The following CHDH variants were observed in gnomAD, a reference collection of about 807,000 sequenced individuals.
The protein encoded by CHDH is choline dehydrogenase.
Under a neutral mutation model 56.9 loss-of-function variants are expected in CHDH, and 43 were observed. That is an observed-to-expected ratio of 0.76 (90% CI 0.59 to 0.97). The LOEUF is 0.97. CHDH is among the 50% of genes least tolerant of loss of function. The pLI, the probability that CHDH is intolerant of heterozygous loss-of-function variation, is 0.00. For missense variants in CHDH, 816 were observed against 821.1 expected, an observed-to-expected ratio of 0.99 and a Z score of 0.08; for synonymous variants, 364 against 348.5, an observed-to-expected ratio of 1.04 and a Z score of -0.50.
rs60594351 is a variant in CHDH, at chr3:53,828,162, G to GACACACACACACACACAC, written c.-59-4113_-59-4096dup. ...TCAACAAAGGGAGCTGGAATAACTA[G>GACACACACACACACACAC]ACACACACACACACACACACACACA... On this transcript the variant is annotated intron_variant, in intron 2 of 8. Coordinates refer to ENST00000315251, the MANE Select transcript of CHDH (RefSeq NM_018397.5). 5.7e-4 allele frequency among the ~76,000 whole-genome samples: 83 copies of GACACACACACACACACAC among 145,246 alleles called. 1 individual carries two copies. Among genetic ancestry groups the GACACACACACACACACAC allele is most frequent in the East Asian group, 1.6e-3 (8 of 5,006 alleles).
chr3:53,842,827 T>TGG (rs1698714968), intron 1 of CHDH, among the ~76,000 whole-genome samples: 1 of 152,184 alleles, frequency 6.6e-6, no homozygotes, highest in Non-Finnish European at 1.5e-5. Context: ...CTTAACCAGC[T>TGG]GGAGCAGAAC....
At chr3:53,825,861 T>C (rs978253094) in intron 2 of CHDH, among the ~76,000 whole-genome samples, 3 of 151,652 alleles carry the variant, frequency 2.0e-5, no homozygotes, top group African/African-American at 4.8e-5. Flanking sequence ...GAGGAATAAA[T>C]ATAACAATGA....
At chr3:53,842,027 G>A (rs1310403090) in intron 1 of CHDH, among the ~76,000 whole-genome samples, 1 of 151,674 alleles carries the variant, frequency 6.6e-6, no homozygotes, top group East Asian at 1.9e-4. Flanking sequence ...ATGGTGGTGT[G>A]CACCTGTAGT....
In CHDH at chr3:53,815,569, T is replaced by C. The variant is rs986227310; in HGVS notation, c.*2208A>G. ...GAGTGAAAGAAGGGCCTGGGTGCAA[T>C]TGAGCAGCATCACCAATGGGCTCCT... On this transcript the variant is annotated 3_prime_UTR_variant, in exon 9 of 9. Coordinates refer to ENST00000315251, the MANE Select transcript of CHDH (RefSeq NM_018397.5). 1.3e-5 allele frequency: 2 copies of C among 152,240 alleles called. No homozygotes were observed. Among genetic ancestry groups the C allele is most frequent in the African/African-American group, 4.8e-5 (2 of 41,450 alleles). 9.4% of individuals were successfully genotyped at this position (152,240 alleles called of 1,614,324 possible). A position where few individuals can be genotyped will look rare whatever the true frequency, so the allele number is the denominator to read the frequency against.
At chr3:53,835,765 C>T (rs180850448) in intron 2 of CHDH, among the ~76,000 whole-genome samples, 1 of 152,272 alleles carries the variant, frequency 6.6e-6, no homozygotes, top group East Asian at 1.9e-4. Flanking sequence ...CTGCTGAGCA[C>T]GTCACATGGG....
At chr3:53,840,659 T>C (rs1046948704) in intron 2 of CHDH, among the ~76,000 whole-genome samples, 11 of 152,188 alleles carry the variant, frequency 7.2e-5, no homozygotes, top group Admixed American at 2.6e-4. Context: ...CTCCATCATC[T>C]CTTCTGGCTA....
intron 1 of CHDH, among the ~76,000 whole-genome samples, chr3:53,844,084 C>T (rs1169108811): frequency 6.6e-6 from 1 of 152,160 alleles, no homozygotes; most frequent in Non-Finnish European, 1.5e-5. Context: ...CCCTTCACAC[C>T]CTCTCCTCCA....
chr3:53,840,581 A>G (rs1235459310), intron 2 of CHDH, among the ~76,000 whole-genome samples: 2 of 151,982 alleles, frequency 1.3e-5, no homozygotes, highest in East Asian at 3.9e-4. Flanking sequence ...GATTAGGGGG[A>G]CATACAAAAC....
At chr3:53,832,024 T>C (rs1698350549) in intron 2 of CHDH, among the ~76,000 whole-genome samples, 1 of 151,970 alleles carries the variant, frequency 6.6e-6, no homozygotes, top group Admixed American at 6.6e-5. Flanking sequence ...CTTTGCACAT[T>C]GCTGGTAGGA....
chr3:53,824,102 T>G, intron 2 of CHDH, 35 bp from the exon 3 acceptor site: 1 of 1,226,576 alleles, frequency 8.2e-7, no homozygotes, highest in Non-Finnish European at 1.1e-6. Flanking sequence ...AAATCTTAAC[T>G]CCGCATATCC....
intron 2 of CHDH, among the ~76,000 whole-genome samples, chr3:53,832,719 T>C (rs1463285114): frequency 6.6e-6 from 1 of 152,174 alleles, no homozygotes; most frequent in African/African-American, 2.4e-5. Context: ...ATTGTATGAT[T>C]CTATGGAATA....
intron 8 of CHDH, among the ~76,000 whole-genome samples, chr3:53,818,407 CG>C (rs1237611146): frequency 6.6e-6 from 1 of 152,182 alleles, no homozygotes; most frequent in Non-Finnish European, 1.5e-5. Context: ...GCATCCTACA[CG>C]GACACAGCCC....
At position 53,816,186 on chromosome 3, in the gene CHDH, CA is replaced by C. The variant is rs1219121347; in HGVS notation, c.*1590del. 5 of 130,270 alleles carry C rather than the reference CA, an allele frequency of 3.8e-5. No homozygotes were observed. Among genetic ancestry groups the C allele is most frequent in the African/African-American group, 5.5e-5 (2 of 36,190 alleles). 8.1% of individuals were successfully genotyped at this position (130,270 alleles called of 1,614,324 possible). A position where few individuals can be genotyped will look rare whatever the true frequency, so the allele number is the denominator to read the frequency against. ...CCGCCCCAATCCTCTCAGATCCGAGCAAAGCCTGGAATCCCCCAATTTCCTC... is the reference window on the plus strand; with the variant it reads ...CCGCCCCAATCCTCTCAGATCCGAGCAAGCCTGGAATCCCCCAATTTCCTC... On this transcript the variant is annotated 3_prime_UTR_variant, in exon 9 of 9. Coordinates refer to ENST00000315251, the MANE Select transcript of CHDH (RefSeq NM_018397.5).
At chr3:53,832,405 G>A (rs1698364087) in intron 2 of CHDH, among the ~76,000 whole-genome samples, 1 of 152,148 alleles carries the variant, frequency 6.6e-6, no homozygotes, top group African/African-American at 2.4e-5. Flanking sequence ...GGTGGTGGGT[G>A]CCTATAATCC....
At chr3:53,833,961 G>C (rs1338680012) in intron 2 of CHDH, among the ~76,000 whole-genome samples, 4 of 152,162 alleles carry the variant, frequency 2.6e-5, no homozygotes, top group African/African-American at 9.7e-5. Context: ...ACCACTGTGT[G>C]GGAGGCAAGG....
chr3:53,827,163 T>C (rs2095640516), intron 2 of CHDH, among the ~76,000 whole-genome samples: 1 of 152,176 alleles, frequency 6.6e-6, no homozygotes, highest in African/African-American at 2.4e-5. Flanking sequence ...CGAATTGTAA[T>C]CACCAATGTT....
At chr3:53,821,553 C>T (rs2095626497) in intron 5 of CHDH, 94 bp downstream of exon 5, 5 of 1,141,556 alleles carry the variant, frequency 4.4e-6, no homozygotes, top group African/African-American at 1.5e-5. Context: ...CACTGACTGC[C>T]ACCACCTCCC....
chr3:53,833,529 G>A (rs758228711), intron 2 of CHDH, among the ~76,000 whole-genome samples: 1 of 152,226 alleles, frequency 6.6e-6, no homozygotes, highest in Non-Finnish European at 1.5e-5. Flanking sequence ...GGCAGGGAAG[G>A]AGCTGCCTGG....
Position 53,816,604 on chromosome 3 carries a change from G to C in CHDH, c.*1173C>G, listed in dbSNP as rs2106953323. On this transcript the variant is annotated 3_prime_UTR_variant, in exon 9 of 9. Coordinates refer to ENST00000315251, the MANE Select transcript of CHDH (RefSeq NM_018397.5). ...GAATTAACCATCCTTGTCCACTGCT[G>C]GGATGGCTCAGGCTGCCAAGTCATT... 6.6e-6 allele frequency: 1 copy of C among 152,342 alleles called. No homozygotes were observed. Among genetic ancestry groups the C allele is most frequent in the East Asian group, 1.9e-4 (1 of 5,184 alleles). 9.4% of individuals were successfully genotyped at this position (152,342 alleles called of 1,614,324 possible).
Sources: allele counts gnomAD v4.1 joint callset (sites outside exome capture counted in the v4.1 genomes callset), GRCh38; gene constraint gnomAD v4.1.1; transcripts MANE v1.5; gene names NCBI Gene and HGNC (gene_info 2026-07-23, HGNC 2026-07-21).